BBX: variants seen among roughly 807,000 people sequenced by gnomAD.
BBX encodes the protein BBX high mobility group box domain containing, also known as HMG box transcription factor BBX.
BBX carries 30 observed loss-of-function variants against 100.2 expected under a neutral mutation model. The observed-to-expected ratio is 0.30, with a 90% CI of 0.22 to 0.41. BBX has a LOEUF of 0.41. BBX is among the 10% of genes least tolerant of loss of function. The probability of loss-of-function intolerance (pLI) is 1.00; values close to 1 mark genes in which losing one functional copy is unlikely to be tolerated. For missense variants in BBX, 1,023 were observed against 1,129.8 expected (o/e 0.91, Z 1.35); for synonymous variants, 376 against 388.1 (o/e 0.97, Z 0.37).
intron 5 of BBX, among the ~76,000 whole-genome samples, chr3:107,720,527 C>G (rs189928995): frequency 6.6e-6 from 1 of 151,926 alleles, no homozygotes; most frequent in Non-Finnish European, 1.5e-5. Flanking sequence ...CACCTGGAGC[C>G]TAGGTTATAC....
At chr3:107,757,053 TGACCC>T in intron 10 of BBX, among the ~76,000 whole-genome samples, 1 of 152,116 alleles carries the variant, frequency 6.6e-6, no homozygotes, top group Non-Finnish European at 1.5e-5. Context: ...TATGGATGTA[TGACCC>T]TCTGCTTGTG....
chr3:107,747,269 C>T (rs917495333), intron 8 of BBX, among the ~76,000 whole-genome samples: 2 of 151,770 alleles, frequency 1.3e-5, no homozygotes, highest in East Asian at 1.9e-4. Flanking sequence ...GGTGGGAGGA[C>T]GCAGGTGCTA....
At chr3:107,764,211 C>T (rs1404028760) in intron 10 of BBX, among the ~76,000 whole-genome samples, 2 of 152,148 alleles carry the variant, frequency 1.3e-5, no homozygotes, top group Non-Finnish European at 1.5e-5. Flanking sequence ...AGGCTGGTCT[C>T]GAACTCCTGA....
chr3:107,678,744 T>C (rs2059417139), intron 3 of BBX, among the ~76,000 whole-genome samples: 1 of 151,994 alleles, frequency 6.6e-6, no homozygotes, highest in Admixed American at 6.6e-5. Flanking sequence ...AAAAAAAAGT[T>C]GTTAATTGTA....
chr3:107,760,773 C>T lies in BBX; in HGVS notation c.906+5095C>T, dbSNP rs146061075. On this transcript the variant is annotated intron_variant, in intron 10 of 17. Coordinates refer to ENST00000325805, the MANE Select transcript of BBX (RefSeq NM_001142568.3). ...AGGAACCACTAGAAGTTGAAACTAG[C>T]AGTCTCTGGGTGACATCCAACCTAC... Among the ~76,000 whole-genome samples the T allele has an allele frequency of 2.3e-3, 343 of 152,282 alleles. 1 individual carries two copies. Among genetic ancestry groups the T allele is most frequent in the African/African-American group, 7.9e-3 (327 of 41,552 alleles).
chr3:107,761,919 G>A (rs764204963), intron 10 of BBX, among the ~76,000 whole-genome samples: 22 of 152,060 alleles, frequency 1.4e-4, no homozygotes, highest in Non-Finnish European at 2.5e-4. Context: ...TTATTGATGT[G>A]CATTATCCCT....
chr3:107,674,659 TA>T (rs1478835615), intron 3 of BBX: 1 of 152,646 alleles, frequency 6.6e-6, no homozygotes, highest in Non-Finnish European at 1.5e-5. Flanking sequence ...CTGCTTTTCT[TA>T]GGCTCCCACA....
chr3:107,571,259 A>C (rs934936051), intron 2 of BBX, among the ~76,000 whole-genome samples: 4 of 152,046 alleles, frequency 2.6e-5, no homozygotes, highest in African/African-American at 9.7e-5. Context: ...TGTCCCCGCA[A>C]TTGACTTGTC....
At chr3:107,560,787 T>G (rs1341843313) in intron 2 of BBX, among the ~76,000 whole-genome samples, 2 of 152,168 alleles carry the variant, frequency 1.3e-5, no homozygotes, top group African/African-American at 4.8e-5. Flanking sequence ...TCTTCAAAAT[T>G]TAACATTGGG....
intron 2 of BBX, among the ~76,000 whole-genome samples, chr3:107,528,432 C>T (rs2047926876): frequency 6.6e-6 from 1 of 152,102 alleles, no homozygotes; most frequent in Non-Finnish European, 1.5e-5. Flanking sequence ...TAGGAAAAAT[C>T]TTTCTCTAGA....
chr3:107,685,663 T>A (rs2059806906), intron 3 of BBX, among the ~76,000 whole-genome samples: 1 of 152,362 alleles, frequency 6.6e-6, no homozygotes, highest in South Asian at 2.1e-4. Flanking sequence ...GCATTCTCCC[T>A]GTGTCCTAGA....
At chr3:107,736,766 C>T (rs948141351) in intron 7 of BBX, among the ~76,000 whole-genome samples, 1 of 152,036 alleles carries the variant, frequency 6.6e-6, no homozygotes, top group Non-Finnish European at 1.5e-5. Context: ...TTGGATTGAT[C>T]TCAGAAAGGA....
intron 3 of BBX, among the ~76,000 whole-genome samples, chr3:107,706,225 T>C (rs1159574998): frequency 1.3e-5 from 2 of 152,132 alleles, no homozygotes; most frequent in Non-Finnish European, 2.9e-5. Context: ...GGTTTCACCA[T>C]GTTGGCCAGG....
At chr3:107,805,349 T>C in intron 17 of BBX, 21 bp from the exon 18 acceptor site, 1 of 1,599,726 alleles carries the variant, frequency 6.3e-7, no homozygotes, top group Non-Finnish European at 8.5e-7. Flanking sequence ...TAAGTGACTT[T>C]TTCTTCCTTT....
chr3:107,802,702 C>T (rs2070638179), intron 17 of BBX, among the ~76,000 whole-genome samples: 1 of 152,232 alleles, frequency 6.6e-6, no homozygotes, highest in Non-Finnish European at 1.5e-5. Context: ...GCTCTGTTAA[C>T]CAGCCCTCCA....
intron 2 of BBX, among the ~76,000 whole-genome samples, chr3:107,550,073 G>C (rs940440082): frequency 6.6e-6 from 1 of 151,940 alleles, no homozygotes; most frequent in African/African-American, 2.4e-5. Context: ...TATTTATTGA[G>C]CATCTCCTGT....
chr3:107,751,665 A>T (rs2065087719), intron 9 of BBX, among the ~76,000 whole-genome samples: 1 of 152,194 alleles, frequency 6.6e-6, no homozygotes, highest in Admixed American at 6.5e-5. Flanking sequence ...AATAAAGCAT[A>T]TTTGTTTGTA....
At chr3:107,597,740 G>T (rs1434051603) in intron 2 of BBX, among the ~76,000 whole-genome samples, 1 of 152,134 alleles carries the variant, frequency 6.6e-6, no homozygotes, top group Non-Finnish European at 1.5e-5. Flanking sequence ...CAAAGAATTG[G>T]CAAAGCCACC....
intron 7 of BBX, among the ~76,000 whole-genome samples, chr3:107,740,673 C>T (rs1034367053): frequency 7.2e-5 from 11 of 152,028 alleles, no homozygotes; most frequent in Non-Finnish European, 1.3e-4. Context: ...CTGAGAAAGT[C>T]ACTCTCTCAA....
Sources: gnomAD v4.1 joint callset for allele counts (sites outside exome capture counted in the v4.1 genomes callset) on GRCh38, gnomAD v4.1.1 for gene constraint, MANE v1.5 for transcripts, NCBI Gene and HGNC (gene_info 2026-07-23, HGNC 2026-07-21) for gene names.